TTLL9: variants seen among roughly 807,000 people sequenced by gnomAD.
The protein encoded by TTLL9 is probable tubulin polyglutamylase TTLL9.
A neutral mutation model predicts 65.6 loss-of-function variants in TTLL9; 47 were observed. That is an observed-to-expected ratio of 0.72 (90% CI 0.57 to 0.91). TTLL9 has a LOEUF of 0.91. Ranked by LOEUF, TTLL9 falls within the 40% of genes least tolerant of loss-of-function variation. The probability of loss-of-function intolerance (pLI) is 0.00; values close to 1 mark genes in which losing one functional copy is unlikely to be tolerated. For synonymous variants in TTLL9, 179 were observed against 204.8 expected, an observed-to-expected ratio of 0.87 and a Z score of 1.07; for missense variants, 537 against 568.8, an observed-to-expected ratio of 0.94 and a Z score of 0.57.
intron 2 of TTLL9, among the ~76,000 whole-genome samples, chr20:31,873,674 AAGAG>A (rs946296861): frequency 2.6e-5 from 3 of 116,404 alleles, no homozygotes; most frequent in South Asian, 2.9e-4. Context: ...GAAAGAAAGA[AAGAG>A]AGAGAGAGAA....
intron 14 of TTLL9, 112 bp from the exon 15 acceptor site, chr20:31,942,833 T>C: frequency 2.0e-6 from 2 of 982,196 alleles, no homozygotes; most frequent in Non-Finnish European, 3.2e-6. Flanking sequence ...ACAGGCTGTG[T>C]GTGGTTGTCT....
rs532588954 is a variant in TTLL9 at position 31,907,261 on chromosome 20, A to G, written c.207-1330A>G. Among the ~76,000 whole-genome samples the G allele has an allele frequency of 4.6e-5, 7 of 152,278 alleles. No individual in the cohort carries two copies. The South Asian group carries it at 1.2e-3, about 27-fold the overall frequency. The stretch of plus-strand genomic sequence containing the variant: ...TAAAATGGGTATAATAACAGAACCT[A>G]ACACTTCAGGTTGCACTGAGGATCC... On this transcript the variant is annotated intron_variant, in intron 4 of 14. Transcript: ENST00000535842.
At chr20:31,893,575 G>C (rs1254055148) in intron 3 of TTLL9, among the ~76,000 whole-genome samples, 1 of 151,888 alleles carries the variant, frequency 6.6e-6, no homozygotes, top group African/African-American at 2.4e-5. Flanking sequence ...ACAGGCGTAA[G>C]CCACTGCGCC....
chr20:31,933,116 C>T (rs552999141), intron 10 of TTLL9, among the ~76,000 whole-genome samples: 57 of 152,326 alleles, frequency 3.7e-4, no homozygotes, highest in African/African-American at 1.4e-3. Flanking sequence ...TCCATGGTCT[C>T]ATCTGTGAGA....
intron 4 of TTLL9, among the ~76,000 whole-genome samples, chr20:31,908,195 C>T (rs1425135485): frequency 2.6e-5 from 4 of 151,974 alleles, no homozygotes; most frequent in African/African-American, 4.8e-5. Flanking sequence ...CATTCCACTG[C>T]GGGCTGCACG....
intron 4 of TTLL9, among the ~76,000 whole-genome samples, chr20:31,898,981 G>A (rs905814844): frequency 6.6e-6 from 1 of 152,200 alleles, no homozygotes. Flanking sequence ...TGTGACTTTG[G>A]CCTGTAAGCC....
At chr20:31,912,191 G>C (rs1234595742) in intron 6 of TTLL9, among the ~76,000 whole-genome samples, 1 of 152,100 alleles carries the variant, frequency 6.6e-6, no homozygotes, top group Non-Finnish European at 1.5e-5. Flanking sequence ...TGTTATTTCC[G>C]AGTCCAGGAA....
At chr20:31,928,018 A>G (rs1442390958) in intron 10 of TTLL9, among the ~76,000 whole-genome samples, 1 of 151,400 alleles carries the variant, frequency 6.6e-6, no homozygotes, top group Non-Finnish European at 1.5e-5. Flanking sequence ...ATCATATGCA[A>G]GTCATCGAGT....
chr20:31,939,414 C>G, intron 14 of TTLL9, 148 bp downstream of exon 14: 1 of 847,694 alleles, frequency 1.2e-6, no homozygotes, highest in African/African-American at 1.8e-5. Flanking sequence ...GGGACTTAAC[C>G]TCTGTTCCTC....
At chr20:31,917,050 G>C (rs1315233259) in intron 6 of TTLL9, among the ~76,000 whole-genome samples, 1 of 152,126 alleles carries the variant, frequency 6.6e-6, no homozygotes, top group Non-Finnish European at 1.5e-5. Context: ...GGGGTTCCTA[G>C]ACCAAAGCAT....
At chr20:31,913,108 C>T (rs538050920) in intron 6 of TTLL9, among the ~76,000 whole-genome samples, 19 of 149,782 alleles carry the variant, frequency 1.3e-4, no homozygotes, top group African/African-American at 3.5e-4. Flanking sequence ...TGCAGTGAGC[C>T]GAGATCATTC....
chr20:31,943,168 T>C lies in TTLL9; in HGVS notation c.*147T>C, dbSNP rs1182977829. The C allele has an allele frequency of 1.6e-5, 12 of 742,800 alleles. No individual in the cohort carries two copies. The highest frequency in any genetic ancestry group is 2.8e-5 in the Non-Finnish European group (12 of 433,900). 46.0% of individuals were successfully genotyped at this position (742,800 alleles called of 1,614,324 possible). The stretch of plus-strand genomic sequence containing the variant: ...TGCTGGCTTAGCAGCTGCAGCTTAC[T>C]ACCTGAATTGGGCCCCTTGGATACC... On this transcript the variant is annotated 3_prime_UTR_variant, in exon 15 of 15. Transcript: ENST00000535842.
intron 2 of TTLL9, among the ~76,000 whole-genome samples, chr20:31,877,885 C>T (rs1056817734): frequency 6.6e-6 from 1 of 152,332 alleles, no homozygotes. Flanking sequence ...TGAGCCTTCC[C>T]ATCCATGAAC....
intron 2 of TTLL9, among the ~76,000 whole-genome samples, chr20:31,885,667 G>A (rs2063178825): frequency 6.6e-6 from 1 of 152,158 alleles, no homozygotes; most frequent in Non-Finnish European, 1.5e-5. Flanking sequence ...CCTCTCCGCC[G>A]CTCTTTGAGG....
chr20:31,893,998 ACGG>A (rs2123448955), intron 3 of TTLL9, among the ~76,000 whole-genome samples: 1 of 151,838 alleles, frequency 6.6e-6, no homozygotes, highest in East Asian at 1.9e-4. Flanking sequence ...TTTCAAATGT[ACGG>A]TTTTTCCTTC....
At position 31,870,750 on chromosome 20, in the gene TTLL9, CG is replaced by C. The variant is rs1473117109; in HGVS notation, c.-203del. The C allele has an allele frequency of 4.0e-6, 2 of 505,656 alleles. No homozygotes were observed. The highest frequency in any genetic ancestry group is 6.4e-6 in the Non-Finnish European group (2 of 311,772). The allele number at this position is 505,656 out of a possible 1,614,324, so 31.3% of individuals were successfully genotyped here. A position where few individuals can be genotyped will look rare whatever the true frequency, so the allele number is the denominator to read the frequency against. On this transcript the variant is annotated 5_prime_UTR_variant, in exon 1 of 15. Coordinates refer to ENST00000535842, the MANE Select transcript of TTLL9 (RefSeq NM_001008409.5). This position sits in a 1 kb window ranked among gnomAD's most constrained non-coding sequence, Gnocchi z 6.6. ...CCACCCTGGCACCGGCAGGCGCGGG[CG>C]GATGGGGGGATGTCGCCTAGAGCCC... is the stretch of plus-strand genomic sequence containing the variant.
chr20:31,905,572 C>T (rs1021020165), intron 4 of TTLL9, among the ~76,000 whole-genome samples: 1 of 152,110 alleles, frequency 6.6e-6, no homozygotes, highest in African/African-American at 2.4e-5. Flanking sequence ...TTCACGTCAC[C>T]ACATCTGTGC....
At chr20:31,879,257 G>T (rs1369352336) in intron 2 of TTLL9, among the ~76,000 whole-genome samples, 1 of 152,250 alleles carries the variant, frequency 6.6e-6, no homozygotes. Context: ...GGAGGCAGAG[G>T]CTGCAGTGAG....
chr20:31,930,750 C>G (rs2063994579), intron 10 of TTLL9, among the ~76,000 whole-genome samples: 2 of 152,190 alleles, frequency 1.3e-5, no homozygotes, highest in African/African-American at 4.8e-5. Flanking sequence ...GTCTTTTTCT[C>G]CTAAATATTT....
Sources: gnomAD v4.1 joint callset for allele counts (sites outside exome capture counted in the v4.1 genomes callset) on GRCh38, gnomAD v4.1.1 for gene constraint, Gnocchi (gnomAD v3.1) non-coding constraint, MANE v1.5 for transcripts, NCBI Gene and HGNC (gene_info 2026-07-23, HGNC 2026-07-21) for gene names.